Variants in DMD observed in about 807,000 individuals in gnomAD.
DMD encodes mutant dystrophin.
In DMD, 63 loss-of-function variants were observed where a neutral mutation model predicts 330.1. The observed-to-expected ratio is 0.19, with a 90% confidence interval of 0.16 to 0.24. DMD has a LOEUF of 0.24. Among genes scored for constraint, DMD ranks in the 10% least tolerant of loss-of-function variants. The pLI is 1.00. For synonymous variants in DMD, 1,223 were observed against 959.8 expected, an observed-to-expected ratio of 1.27 and a Z score of -5.07; for missense variants, 3,344 against 2,684.1, an observed-to-expected ratio of 1.25 and a Z score of -5.43.
chrX:31,688,240 A>G (rs764383044), intron 52 of DMD, among the ~76,000 whole-genome samples: 1 of 111,933 alleles, frequency 8.9e-6, no homozygotes, highest in East Asian at 2.8e-4. Context: ...ATAAAGAAGA[A>G]AAGAGAGAAG....
chrX:32,577,504 T>C (rs915300218), intron 13 of DMD, among the ~76,000 whole-genome samples: 1 of 112,382 alleles, frequency 8.9e-6, no homozygotes, highest in Non-Finnish European at 1.9e-5. Flanking sequence ...AGAGTATGTA[T>C]GGGAAAGTAT....
At chrX:31,657,440 T>C (rs758999469) in intron 54 of DMD, among the ~76,000 whole-genome samples, 6 of 112,042 alleles carry the variant, frequency 5.4e-5, no homozygotes, top group Non-Finnish European at 1.1e-4. Flanking sequence ...AAGAGAGGTA[T>C]AATAAGGATA....
chrX:31,707,433 A>T (rs960177443), intron 52 of DMD, among the ~76,000 whole-genome samples: 1 of 110,787 alleles, frequency 9.0e-6, no homozygotes, highest in African/African-American at 3.3e-5. Context: ...ACACATGGAC[A>T]TAAATACGGG....
intron 47 of DMD, among the ~76,000 whole-genome samples, chrX:31,885,585 G>C (rs2094140186): frequency 1.1e-5 from 1 of 94,219 alleles, no homozygotes; most frequent in Non-Finnish European, 2.0e-5. Flanking sequence ...ACTCCTGCCT[G>C]GGCGACAGAG....
chrX:31,315,474 C>A (rs915760675), intron 62 of DMD, among the ~76,000 whole-genome samples: 3 of 112,351 alleles, frequency 2.7e-5, no homozygotes, highest in African/African-American at 9.7e-5. Flanking sequence ...GATGTGACTA[C>A]TGGTTTTTTT....
chrX:32,334,531 C>G (rs2097695953), intron 41 of DMD, among the ~76,000 whole-genome samples: 1 of 111,405 alleles, frequency 9.0e-6, no homozygotes, highest in East Asian at 2.8e-4. Flanking sequence ...TGTAGCAGAC[C>G]ATTAAATCTA....
At chrX:33,093,997 C>T (rs778975971) in intron 1 of DMD, among the ~76,000 whole-genome samples, 57 of 111,048 alleles carry the variant, frequency 5.1e-4, no homozygotes, top group African/African-American at 8.8e-4. Flanking sequence ...TGAGTTTATA[C>T]GCACCTTAAA....
chrX:31,456,141 T>C (rs991736401), intron 59 of DMD, among the ~76,000 whole-genome samples: 2 of 111,934 alleles, frequency 1.8e-5, no homozygotes, highest in Admixed American at 9.6e-5. Context: ...AATAATGATA[T>C]GAACTAAGAA....
rs1341993913 is a variant in DMD, at chrX:32,354,983, G to T, written c.5326-6455C>A. The stretch of plus-strand genomic sequence containing the variant: ...GAAAACATTTAACTCTAAAATGTAT[G>T]GGGGAGACAGACAAAAGTAAAAACA... On this transcript the variant is annotated intron_variant, in intron 37 of 78. Coordinates refer to ENST00000357033, the MANE Select transcript of DMD (RefSeq NM_004006.3). 2.7e-5 allele frequency among the ~76,000 whole-genome samples: 3 copies of T among 111,129 alleles called. No individual in the cohort carries two copies. In the Admixed American group the frequency reaches 2.9e-4, roughly 11 times the overall value.
intron 7 of DMD, among the ~76,000 whole-genome samples, chrX:32,719,705 C>A (rs1221668703): frequency 9.0e-6 from 1 of 111,215 alleles, no homozygotes; most frequent in East Asian, 2.8e-4. Flanking sequence ...GTTATTTTCA[C>A]TGCTTGGAAT....
intron 30 of DMD, among the ~76,000 whole-genome samples, chrX:32,396,613 C>T (rs2098046093): frequency 9.1e-6 from 1 of 109,686 alleles, no homozygotes; most frequent in Non-Finnish European, 1.9e-5. Flanking sequence ...TATCCTTTTG[C>T]TTTTTTTTGC....
intron 60 of DMD, among the ~76,000 whole-genome samples, chrX:31,375,836 T>G (rs2059856764): frequency 9.1e-6 from 1 of 110,255 alleles, no homozygotes; most frequent in African/African-American, 3.3e-5. Flanking sequence ...AAAAAATGGT[T>G]AAAATGGTAA....
intron 43 of DMD, among the ~76,000 whole-genome samples, chrX:32,263,544 G>A (rs1008991133): frequency 1.8e-5 from 2 of 112,106 alleles, no homozygotes; most frequent in African/African-American, 6.5e-5. Flanking sequence ...TAACATATAT[G>A]GAATTAACTA....
intron 23 of DMD, among the ~76,000 whole-genome samples, chrX:32,467,413 G>T (rs2040142976): frequency 9.0e-6 from 1 of 110,580 alleles, no homozygotes; most frequent in South Asian, 3.8e-4. Flanking sequence ...TAGTATGGTG[G>T]CACTATTCAA....
chrX:31,954,460 T>C (rs1467807310), intron 45 of DMD, among the ~76,000 whole-genome samples: 1 of 111,676 alleles, frequency 9.0e-6, no homozygotes, highest in Non-Finnish European at 1.9e-5. Flanking sequence ...CATTTTTCCT[T>C]AAGTATTCTC....
intron 4 of DMD, among the ~76,000 whole-genome samples, chrX:32,835,744 T>C (rs1490587904): frequency 9.0e-6 from 1 of 111,332 alleles, no homozygotes; most frequent in Non-Finnish European, 1.9e-5. Flanking sequence ...CAGAATATGC[T>C]AGAACTAGTG....
intron 60 of DMD, among the ~76,000 whole-genome samples, chrX:31,386,263 T>A (rs2060439929): frequency 9.0e-6 from 1 of 111,175 alleles, no homozygotes; most frequent in Non-Finnish European, 1.9e-5. Context: ...CATTAGGAGA[T>A]ATACCTAATG....
At chrX:33,047,746 A>C (rs1323488446) in intron 1 of DMD, among the ~76,000 whole-genome samples, 1 of 111,950 alleles carries the variant, frequency 8.9e-6, no homozygotes, top group African/African-American at 3.2e-5. Context: ...AAACTTAGCC[A>C]ATGCAAAACT....
intron 1 of DMD, among the ~76,000 whole-genome samples, chrX:33,184,418 T>G (rs1224929193): frequency 9.0e-6 from 1 of 111,524 alleles, no homozygotes; most frequent in African/African-American, 3.3e-5. Context: ...TAAGGCACAT[T>G]TATTTTGAAA....
Sources: gnomAD v4.1 joint callset for allele counts (sites outside exome capture counted in the v4.1 genomes callset) on GRCh38, gnomAD v4.1.1 for gene constraint, MANE v1.5 for transcripts, NCBI Gene and HGNC (gene_info 2026-07-23, HGNC 2026-07-21) for gene names.